STK33: variants seen among roughly 807,000 people sequenced by gnomAD.
STK33 encodes serine/threonine kinase 33.
A neutral mutation model predicts 58.0 loss-of-function variants in STK33; 52 were observed. The observed-to-expected ratio is 0.90, with a 90% CI of 0.72 to 1.13. STK33 has a LOEUF of 1.13. STK33 is among the 50% of genes most tolerant of loss of function. The pLI, the probability that STK33 is intolerant of heterozygous loss-of-function variation, is 0.00. For missense variants in STK33, 630 were observed against 604.2 expected, an observed-to-expected ratio of 1.04 and a Z score of -0.45; for synonymous variants, 215 against 200.1, an observed-to-expected ratio of 1.07 and a Z score of -0.63.
intron 1 of STK33, among the ~76,000 whole-genome samples, chr11:8,564,560 T>C (rs1957326331): frequency 6.6e-6 from 1 of 152,222 alleles, no homozygotes; most frequent in South Asian, 2.1e-4. Flanking sequence ...CATGTGAATG[T>C]ACTCTTCCTA....
In STK33 at chr11:8,554,031, A is replaced by G. The variant is rs185584437; in HGVS notation, c.-466+40052T>C. ...GACAACTCACAGAGTAGGAGAAAAT[A>G]TTTACAAACCATATATCTGAAAAGG... On this transcript the variant is annotated intron_variant, in intron 1 of 15. Transcript: ENST00000687296. Among the ~76,000 whole-genome samples the G allele has an allele frequency of 4.0e-3, 611 of 152,294 alleles. 2 individuals carry two copies. Among genetic ancestry groups the G allele is most frequent in the Non-Finnish European group, 7.0e-3 (476 of 68,020 alleles).
intron 14 of STK33, among the ~76,000 whole-genome samples, chr11:8,427,202 A>G (rs1229762594): frequency 6.6e-6 from 1 of 152,182 alleles, no homozygotes; most frequent in Non-Finnish European, 1.5e-5. Context: ...AAATATCTTA[A>G]TCATTCCCTT....
At chr11:8,489,667 T>TG (rs1490112766) in intron 1 of STK33, among the ~76,000 whole-genome samples, 1 of 152,196 alleles carries the variant, frequency 6.6e-6, no homozygotes, top group African/African-American at 2.4e-5. Context: ...TAATCACCTC[T>TG]TAAAGGTCCT....
At chr11:8,401,444 C>T (rs571328166) in intron 15 of STK33, among the ~76,000 whole-genome samples, 1 of 152,252 alleles carries the variant, frequency 6.6e-6, no homozygotes, top group African/African-American at 2.4e-5. Flanking sequence ...GGATCCCTTC[C>T]TTACACCTCA....
At chr11:8,401,393 T>C (rs1937913784) in intron 15 of STK33, among the ~76,000 whole-genome samples, 1 of 152,304 alleles carries the variant, frequency 6.6e-6, no homozygotes, top group Non-Finnish European at 1.5e-5. Context: ...TAATAAATGG[T>C]GCTGGGAAAA....
At chr11:8,383,725 C>T in the STK33 span, among the ~76,000 whole-genome samples, 1 of 152,130 alleles carries the variant, frequency 6.6e-6, no homozygotes, top group African/African-American at 2.4e-5. Context: ...CATGTCATTC[C>T]ACTCCATTCT....
At chr11:8,447,774 A>C (rs1356685322) in intron 11 of STK33, among the ~76,000 whole-genome samples, 2 of 152,220 alleles carry the variant, frequency 1.3e-5, no homozygotes, top group Non-Finnish European at 2.9e-5. Context: ...ATAGTGTTGG[A>C]AGTTCTGGCC....
intron 14 of STK33, among the ~76,000 whole-genome samples, chr11:8,426,853 T>C (rs555039411): frequency 2.0e-5 from 3 of 152,140 alleles, no homozygotes; most frequent in Non-Finnish European, 4.4e-5. Context: ...TCTTTATATG[T>C]TTTTCATTCC....
chr11:8,362,883 CCT>C, the STK33 span, among the ~76,000 whole-genome samples: 21 of 149,864 alleles, frequency 1.4e-4, no homozygotes, highest in South Asian at 4.3e-4. Flanking sequence ...TCCCTCCCTC[CCT>C]CTTCCTTCCT....
In STK33 at chr11:8,392,540, G is replaced by A. The variant is rs752970888; in HGVS notation, c.1515C>T (p.Gly505=). 86 of 1,593,558 alleles carry A rather than the reference G, an allele frequency of 5.4e-5. No individual in the cohort carries two copies. The highest frequency in any genetic ancestry group is 1.1e-4 in the South Asian group (10 of 90,264). ...GTATKYPAKS[G]ALSRTKKKL is the part of the protein sequence containing the mutation. ...GTTTCTTTTTGGTTCTGGACAGGGC[G>A]CCGGATTTAGCAGGGTACTTGGTTG... Residue 505 remains glycine, a synonymous_variant, in exon 16 of 16, where the codon GGC becomes GGT. Transcript: ENST00000687296.
At chr11:8,383,010 A>G in the STK33 span, among the ~76,000 whole-genome samples, 7 of 152,220 alleles carry the variant, frequency 4.6e-5, no homozygotes, top group Admixed American at 3.9e-4. Flanking sequence ...ACACATTGTC[A>G]TTAAAGCCTG....
chr11:8,340,258 T>C, the STK33 span, among the ~76,000 whole-genome samples: 1 of 152,186 alleles, frequency 6.6e-6, no homozygotes, highest in Non-Finnish European at 1.5e-5. Flanking sequence ...TCCTTCTATG[T>C]CTAGTACAAC....
rs1012532223 is a variant in STK33 at position 8,542,781 on chromosome 11, C to T, written c.-466+51302G>A. Among the ~76,000 whole-genome samples, 49 of 152,224 alleles carry T rather than the reference C, an allele frequency of 3.2e-4. 1 individual carries two copies. Among genetic ancestry groups the T allele is most frequent in the African/African-American group, 1.0e-3 (42 of 41,534 alleles). On this transcript the variant is annotated intron_variant, in intron 1 of 15. Coordinates refer to ENST00000687296, the MANE Select transcript of STK33 (RefSeq NM_001352389.2). ...AGGCTGGAGTGCAGTGGCACGATCT[C>T]GGCTGCAACCTCTGCCTCCCCAGGC...
At chr11:8,421,555 C>A (rs989795718) in intron 14 of STK33, among the ~76,000 whole-genome samples, 4 of 152,154 alleles carry the variant, frequency 2.6e-5, no homozygotes, top group Admixed American at 2.6e-4. Flanking sequence ...GCAAGACATT[C>A]AGAAATTTCT....
chr11:8,337,220 A>G, the STK33 span, among the ~76,000 whole-genome samples: 2 of 152,204 alleles, frequency 1.3e-5, no homozygotes, highest in African/African-American at 2.4e-5. Flanking sequence ...AATCTAAATT[A>G]CCGTCCTCTT....
intron 14 of STK33, among the ~76,000 whole-genome samples, chr11:8,420,799 C>A (rs1405941951): frequency 6.6e-6 from 1 of 152,068 alleles, no homozygotes; most frequent in Non-Finnish European, 1.5e-5. Flanking sequence ...GAGTTCGAGA[C>A]CAGCCTGGGC....
Position 8,465,061 on chromosome 11 carries a change from G to A in STK33, c.340-239C>T, listed in dbSNP as rs1948013571. The A allele has an allele frequency of 2.7e-5, 8 of 292,556 alleles. No homozygotes were observed. The South Asian group carries it at 6.9e-4, about 25-fold the overall frequency. 18.1% of individuals were successfully genotyped at this position (292,556 alleles called of 1,614,324 possible). ...GGAAAACCATAAAAATCCTAATGGTGAAATGTGGAAAAACTCAAAAGTATA... is the reference window on the plus strand; with the variant it reads ...GGAAAACCATAAAAATCCTAATGGTAAAATGTGGAAAAACTCAAAAGTATA... On this transcript the variant is annotated intron_variant, in intron 6 of 15. Transcript: ENST00000687296.
chr11:8,347,607 A>C, the STK33 span, among the ~76,000 whole-genome samples: 98 of 147,256 alleles, frequency 6.7e-4, no homozygotes, highest in Non-Finnish European at 7.5e-4. Flanking sequence ...TCAGCGGTTC[A>C]ATGTTCTGCC....
the STK33 span, among the ~76,000 whole-genome samples, chr11:8,378,298 C>G: frequency 2.6e-4 from 40 of 152,342 alleles, no homozygotes; most frequent in African/African-American, 9.1e-4. Context: ...GTGGGTGGAT[C>G]ACCTGAAGTC....
Sources: gnomAD v4.1 joint callset for allele counts (sites outside exome capture counted in the v4.1 genomes callset) on GRCh38, gnomAD v4.1.1 for gene constraint, MANE v1.5 for transcripts, NCBI Gene and HGNC (gene_info 2026-07-23, HGNC 2026-07-21) for gene names.